The following SATL1 variants were observed in gnomAD, a reference collection of about 807,000 sequenced individuals.
SATL1 encodes spermidine/spermine N(1)-acetyltransferase-like protein 1.
A neutral mutation model predicts 51.8 loss-of-function variants in SATL1; 47 were observed. The ratio of observed to expected loss-of-function variants is 0.91; its 90% confidence interval spans 0.72 to 1.16. The LOEUF (loss-of-function observed/expected upper bound fraction) is 1.16. Ranked by LOEUF, SATL1 falls within the 50% of genes most tolerant of loss-of-function variation. The pLI is 0.00. For missense variants in SATL1, 520 were observed against 526.4 expected (o/e 0.99, Z 0.12); for synonymous variants, 176 against 182.4 (o/e 0.97, Z 0.28).
chrX:85,142,093 A>AT (rs1926120948), intron 2 of SATL1, among the ~76,000 whole-genome samples: 1 of 106,841 alleles, frequency 9.4e-6, no homozygotes, highest in African/African-American at 3.4e-5. Flanking sequence ...CAAGGAGATC[A>AT]TTTTTTAGAA....
intron 1 of SATL1, among the ~76,000 whole-genome samples, chrX:85,224,768 C>CAAAA (rs58905613): frequency 1.5e-3 from 92 of 59,729 alleles, no homozygotes; most frequent in East Asian, 5.7e-3. Flanking sequence ...GAGTATATAT[C>CAAAA]AAAAAAAAAA....
rs368944508 is a variant in SATL1, at chrX:85,094,148, T to A, written c.1856A>T (p.Tyr619Phe). ...TTTACCTTGGTAAGCTTGTGTGACA[T>A]AAAAGTCCTCTAGGTAAAGTACCTT... ...TGKVLYLEDF[Y>F]VTQAYQGLGI... The change falls in exon 6 of 8, where the codon TAT becomes TTT. Residue 619 changes from tyrosine (Y) to phenylalanine (F), a missense_variant. By Grantham distance (22) the Tyr-to-Phe change is conservative. This residue lies in a region of SATL1 where 488 missense variants were observed against 474.3 expected (regional missense o/e 1.03). Coordinates refer to ENST00000644105, the MANE Select transcript of SATL1 (RefSeq NM_001367857.2). 1 of 1,171,709 alleles carries A rather than the reference T, an allele frequency of 8.5e-7. No individual in the cohort carries two copies. The highest frequency in any genetic ancestry group is 1.8e-5 in the African/African-American group (1 of 56,350).
intron 2 of SATL1, among the ~76,000 whole-genome samples, chrX:85,203,793 T>C (rs907571450): frequency 1.1e-4 from 12 of 112,445 alleles, no homozygotes; most frequent in African/African-American, 3.9e-4. Flanking sequence ...AGCTCCTTCT[T>C]AGTGAGGTGC....
At chrX:85,103,313 C>G (rs950551161) in intron 4 of SATL1, among the ~76,000 whole-genome samples, 2 of 111,621 alleles carry the variant, frequency 1.8e-5, no homozygotes, top group Non-Finnish European at 1.9e-5. Context: ...TACATGCATT[C>G]TGAAGTATTC....
chrX:85,115,442 T>C (rs1330411730), intron 2 of SATL1, among the ~76,000 whole-genome samples: 1 of 112,623 alleles, frequency 8.9e-6, no homozygotes, highest in Non-Finnish European at 1.9e-5. Context: ...AATTAGTGTC[T>C]GTCCTGGCAA....
intron 2 of SATL1, among the ~76,000 whole-genome samples, chrX:85,135,782 G>A (rs1925939737): frequency 9.4e-6 from 1 of 106,745 alleles, no homozygotes; most frequent in African/African-American, 3.5e-5. Context: ...GTTTCACCAT[G>A]TTGCTCAGGC....
At chrX:85,139,830 C>T (rs905001052) in intron 2 of SATL1, among the ~76,000 whole-genome samples, 1 of 111,529 alleles carries the variant, frequency 9.0e-6, no homozygotes, top group Non-Finnish European at 1.9e-5. Context: ...TATGAACACC[C>T]CAACCTGCCT....
At chrX:85,195,894 A>G (rs1164766645) in intron 2 of SATL1, among the ~76,000 whole-genome samples, 2 of 111,171 alleles carry the variant, frequency 1.8e-5, no homozygotes, top group Non-Finnish European at 3.8e-5. Flanking sequence ...TTGACAAAAG[A>G]TCACTATGAG....
At chrX:85,230,970 G>A (rs1032424210) in intron 1 of SATL1, among the ~76,000 whole-genome samples, 1 of 111,742 alleles carries the variant, frequency 8.9e-6, no homozygotes, top group Non-Finnish European at 1.9e-5. Flanking sequence ...ATGTATATTG[G>A]TATGGCCATT....
At chrX:85,185,691 C>T (rs992061871) in intron 2 of SATL1, among the ~76,000 whole-genome samples, 3 of 111,115 alleles carry the variant, frequency 2.7e-5, no homozygotes, top group East Asian at 5.7e-4. Flanking sequence ...TTTTAGTAAA[C>T]GCTGTCAAGC....
intron 2 of SATL1, among the ~76,000 whole-genome samples, chrX:85,202,355 T>G (rs1227854967): frequency 8.0e-5 from 9 of 112,227 alleles, no homozygotes; most frequent in Non-Finnish European, 3.8e-5. Flanking sequence ...TTGCTCTTGG[T>G]GTCTTTGAAC....
intron 2 of SATL1, among the ~76,000 whole-genome samples, chrX:85,157,036 C>A (rs1926616174): frequency 9.4e-6 from 1 of 106,774 alleles, no homozygotes; most frequent in South Asian, 4.0e-4. Flanking sequence ...GAAACGGCAG[C>A]AATGCTTTTA....
chrX:85,205,400 A>G (rs1486582860), intron 2 of SATL1, among the ~76,000 whole-genome samples: 1 of 112,311 alleles, frequency 8.9e-6, no homozygotes, highest in Non-Finnish European at 1.9e-5. Context: ...CAAATAAGCA[A>G]GTAAATAAAA....
intron 4 of SATL1, among the ~76,000 whole-genome samples, chrX:85,103,516 GAAAATAT>G (rs1301504511): frequency 1.8e-5 from 2 of 111,389 alleles, no homozygotes; most frequent in Non-Finnish European, 3.8e-5. Flanking sequence ...TAAATACTTT[GAAAATAT>G]TTTAAATCAT....
chrX:85,156,811 GATTATAT>G (rs1926597833), intron 2 of SATL1, among the ~76,000 whole-genome samples: 1 of 70,603 alleles, frequency 1.4e-5, no homozygotes, highest in African/African-American at 6.4e-5. Flanking sequence ...ACCATGTGGA[GATTATAT>G]ATATATATAT....
intron 2 of SATL1, among the ~76,000 whole-genome samples, chrX:85,155,835 G>T (rs1926573250): frequency 9.0e-6 from 1 of 111,225 alleles, no homozygotes; most frequent in African/African-American, 3.3e-5. Flanking sequence ...TCCACAAAAT[G>T]AAGTTAAAAT....
At chrX:85,189,627 C>G (rs950514392) in intron 2 of SATL1, among the ~76,000 whole-genome samples, 1 of 111,979 alleles carries the variant, frequency 8.9e-6, no homozygotes, top group African/African-American at 3.2e-5. Context: ...TGCTAATATC[C>G]ACTTGAATAA....
chrX:85,168,546 G>A (rs980937545), intron 2 of SATL1, among the ~76,000 whole-genome samples: 2 of 110,546 alleles, frequency 1.8e-5, no homozygotes, highest in Non-Finnish European at 3.8e-5. Flanking sequence ...AAAAGAATAC[G>A]TAGGAATACA....
rs764105437 is a variant in SATL1 at position 85,133,919 on chromosome X, T to C, written c.-312-24639A>G. Among the ~76,000 whole-genome samples the C allele has an allele frequency of 8.0e-5, 9 of 112,493 alleles. No individual in the cohort carries two copies. The South Asian group carries it at 2.9e-3, about 36-fold the overall frequency. ...TTATCAATTATGATATAGAAAATGCTATATTCACATTGTTTTACATAGAAA... is the reference window on the plus strand; with the variant it reads ...TTATCAATTATGATATAGAAAATGCCATATTCACATTGTTTTACATAGAAA... On this transcript the variant is annotated intron_variant, in intron 2 of 7. Transcript: ENST00000644105.
Sources: allele counts gnomAD v4.1 joint callset (sites outside exome capture counted in the v4.1 genomes callset), GRCh38; gene constraint gnomAD v4.1.1; regional missense constraint gnomAD v4.1.1; transcripts MANE v1.5; gene names NCBI Gene and HGNC (gene_info 2026-07-23, HGNC 2026-07-21).